The following HEMK2 variants were observed in gnomAD, a reference collection of about 807,000 sequenced individuals.
HEMK2 encodes the protein HemK methyltransferase 2, ETF1 glutamine and histone H4 lysine, also known as methyltransferase HEMK2.
At chr21:28,610,332 CT>C in the HEMK2 span, among the ~76,000 whole-genome samples, 1 of 152,092 alleles carries the variant, frequency 6.6e-6, no homozygotes, top group Non-Finnish European at 1.5e-5. Context: ...GACAGATAGT[CT>C]TTTTCAGACA....
At chr21:28,603,402 G>C in the HEMK2 span, among the ~76,000 whole-genome samples, 3 of 152,044 alleles carry the variant, frequency 2.0e-5, no homozygotes, top group South Asian at 6.2e-4. Context: ...CATTTAGCAA[G>C]TGACAATATT....
the HEMK2 span, among the ~76,000 whole-genome samples, chr21:28,862,810 C>T: frequency 6.6e-6 from 1 of 152,132 alleles, no homozygotes. Context: ...TTCCTTTCTC[C>T]TTTATCATGT....
chr21:28,833,482 T>C, the HEMK2 span, among the ~76,000 whole-genome samples: 1 of 152,246 alleles, frequency 6.6e-6, no homozygotes. Flanking sequence ...TCAATGACTC[T>C]AAGAACATGT....
At chr21:28,874,125 T>C in the HEMK2 span, 8 of 152,240 alleles carry the variant, frequency 5.3e-5, no homozygotes, top group Non-Finnish European at 8.8e-5. Context: ...CACTGCTCTA[T>C]GTAGCCAGTT....
the HEMK2 span, among the ~76,000 whole-genome samples, chr21:28,579,298 TTGTG>T: frequency 6.6e-6 from 1 of 152,224 alleles, no homozygotes; most frequent in African/African-American, 2.4e-5. Flanking sequence ...TTCAGCATTC[TTGTG>T]TGTATGTGTT....
the HEMK2 span, among the ~76,000 whole-genome samples, chr21:28,693,710 T>C: frequency 6.6e-6 from 1 of 152,224 alleles, no homozygotes; most frequent in African/African-American, 2.4e-5. Flanking sequence ...TTAAAGACAG[T>C]GAGCCCTCAT....
At chr21:28,708,730 C>T in the HEMK2 span, among the ~76,000 whole-genome samples, 2 of 152,156 alleles carry the variant, frequency 1.3e-5, no homozygotes, top group Non-Finnish European at 2.9e-5. Context: ...TTATTCAAAA[C>T]GGATTCATAC....
chr21:28,656,118 A>C, the HEMK2 span, among the ~76,000 whole-genome samples: 3 of 152,094 alleles, frequency 2.0e-5, no homozygotes, highest in African/African-American at 7.2e-5. Flanking sequence ...CAGGCTACAC[A>C]AATAGAGGAT....
At chr21:28,699,446 A>G in the HEMK2 span, among the ~76,000 whole-genome samples, 5 of 152,208 alleles carry the variant, frequency 3.3e-5, no homozygotes, top group African/African-American at 7.2e-5. Flanking sequence ...TTGGGTCAAA[A>G]TTTACAGGTA....
chr21:28,877,297 G>A, the HEMK2 span, among the ~76,000 whole-genome samples: 21,591 of 126,394 alleles, frequency 0.17, 2,058 homozygotes, highest in South Asian at 0.23. Flanking sequence ...AGGAAGGAAG[G>A]AAGAGAGAGA....
chr21:28,651,998 G>C, the HEMK2 span, among the ~76,000 whole-genome samples: 1 of 152,146 alleles, frequency 6.6e-6, no homozygotes, highest in African/African-American at 2.4e-5. Flanking sequence ...TGTGATTTAA[G>C]ATCTTTGGAT....
the HEMK2 span, among the ~76,000 whole-genome samples, chr21:28,843,029 T>C: frequency 6.6e-5 from 10 of 152,306 alleles, no homozygotes; most frequent in South Asian, 2.1e-4. Flanking sequence ...TAACTACTTA[T>C]ATTTAGACTT....
chr21:28,805,503 TACA>T, the HEMK2 span, among the ~76,000 whole-genome samples: 1 of 152,212 alleles, frequency 6.6e-6, no homozygotes, highest in Non-Finnish European at 1.5e-5. Flanking sequence ...GTTTGGGAAT[TACA>T]ACAAGCTATT....
chr21:28,817,789 T>C, the HEMK2 span, among the ~76,000 whole-genome samples: 1 of 152,176 alleles, frequency 6.6e-6, no homozygotes, highest in East Asian at 1.9e-4. Flanking sequence ...GACAGTGCAG[T>C]AATCAAAAAC....
chr21:28,669,718 A>G, the HEMK2 span, among the ~76,000 whole-genome samples: 2 of 152,326 alleles, frequency 1.3e-5, no homozygotes, highest in South Asian at 2.1e-4. Context: ...TTTAGCCAAG[A>G]GCAGTTAGAT....
chr21:28,695,049 T>C, the HEMK2 span, among the ~76,000 whole-genome samples: 1 of 151,888 alleles, frequency 6.6e-6, no homozygotes, highest in African/African-American at 2.4e-5. Flanking sequence ...AACTTTCTCC[T>C]CCTAGCTAGG....
the HEMK2 span, among the ~76,000 whole-genome samples, chr21:28,850,013 AC>A: frequency 2.0e-5 from 3 of 152,206 alleles, no homozygotes; most frequent in African/African-American, 7.2e-5. Context: ...AAGGCACAGA[AC>A]CCCTGTGAGA....
At chr21:28,874,860 C>G in the HEMK2 span, 1 of 152,238 alleles carries the variant, frequency 6.6e-6, no homozygotes, top group Admixed American at 6.5e-5. Context: ...AATTGAATAT[C>G]TGGCTATTTT....
the HEMK2 span, among the ~76,000 whole-genome samples, chr21:28,665,455 G>A: frequency 1.0e-5 from 1 of 97,246 alleles, no homozygotes; most frequent in Non-Finnish European, 2.0e-5. Context: ...TGGTGGGGTC[G>A]GGGGAGGGGG....
Sources: gnomAD v4.1 joint callset for allele counts (sites outside exome capture counted in the v4.1 genomes callset) on GRCh38, gnomAD v4.1.1 for gene constraint, MANE v1.5 for transcripts, NCBI Gene and HGNC (gene_info 2026-07-23, HGNC 2026-07-21) for gene names.